C8orf34: variants seen among roughly 807,000 people sequenced by gnomAD.
C8orf34 encodes the protein uncharacterized protein C8orf34.
A neutral mutation model predicts 68.3 loss-of-function variants in C8orf34; 65 were observed. The ratio of observed to expected loss-of-function variants is 0.95; its 90% CI spans 0.78 to 1.17. C8orf34 has a LOEUF of 1.17. Among genes scored for constraint, C8orf34 ranks in the 50% most tolerant of loss-of-function variants. C8orf34 has a pLI of 0.00. For synonymous variants in C8orf34, 244 were observed against 241.2 expected, an observed-to-expected ratio of 1.01 and a Z score of -0.11; for missense variants, 664 against 655.4, an observed-to-expected ratio of 1.01 and a Z score of -0.14.
In C8orf34 at chr8:68,745,474, T is replaced by A. The variant is rs7812448; in HGVS notation, c.1404+24037T>A. ...AAAGAGTCAAGACCCATCAGTGTGC[T>A]GTATTCAGGAAACCCATCTCACGTG... is the stretch of plus-strand genomic sequence containing the variant. On this transcript the variant is annotated intron_variant, in intron 10 of 13. Transcript: ENST00000518698. Among the ~76,000 whole-genome samples the A allele has an allele frequency of 3.0e-3, 450 of 152,296 alleles. 1 individual carries two copies. Among genetic ancestry groups the A allele is most frequent in the African/African-American group, 0.01 (432 of 41,562 alleles).
intron 7 of C8orf34, among the ~76,000 whole-genome samples, chr8:68,612,522 C>G (rs1370942408): frequency 6.6e-6 from 1 of 152,170 alleles, no homozygotes; most frequent in African/African-American, 2.4e-5. Context: ...TTATTTCAAA[C>G]TATATTGCCA....
intron 8 of C8orf34, among the ~76,000 whole-genome samples, chr8:68,658,516 A>G (rs1342718661): frequency 6.6e-6 from 1 of 152,162 alleles, no homozygotes; most frequent in Non-Finnish European, 1.5e-5. Context: ...CAAAATGACT[A>G]TTGTCCACCA....
Position 68,776,506 on chromosome 8 carries a change from A to C in C8orf34, c.1455+57A>C, listed in dbSNP as rs1056584130. 24 of 1,382,708 alleles carry C rather than the reference A, an allele frequency of 1.7e-5. No homozygotes were observed. In the African/African-American group the frequency reaches 3.0e-4, roughly 17 times the overall value. 85.7% of individuals were successfully genotyped at this position (1,382,708 alleles called of 1,614,324 possible). A position where few individuals can be genotyped will look rare whatever the true frequency, so the allele number is the denominator to read the frequency against. On this transcript the variant is annotated intron_variant, in intron 11 of 13. Coordinates refer to ENST00000518698, the MANE Select transcript of C8orf34 (RefSeq NM_052958.4). ...TGAAATCAGTTTATGATACAGGATG[A>C]AGCACTCACTTAGGCTTTCTCCATC...
At chr8:68,565,258 G>T (rs1486205300) in intron 7 of C8orf34, among the ~76,000 whole-genome samples, 1 of 152,118 alleles carries the variant, frequency 6.6e-6, no homozygotes, top group African/African-American at 2.4e-5. Context: ...TTGGATCGTT[G>T]TTCTCCTGAA....
intron 12 of C8orf34, among the ~76,000 whole-genome samples, chr8:68,789,412 A>T (rs1169817318): frequency 6.6e-6 from 1 of 152,232 alleles, no homozygotes; most frequent in South Asian, 2.1e-4. Context: ...TCCAGTTTCA[A>T]ATTTAGTCTT....
At chr8:68,794,440 G>C (rs575600206) in intron 12 of C8orf34, among the ~76,000 whole-genome samples, 7 of 141,208 alleles carry the variant, frequency 5.0e-5, no homozygotes, top group Non-Finnish European at 9.0e-5. Context: ...CCAAAGTGCT[G>C]GGATTACTGG....
At chr8:68,359,798 C>G (rs886541445) in intron 1 of C8orf34, among the ~76,000 whole-genome samples, 1 of 152,032 alleles carries the variant, frequency 6.6e-6, no homozygotes, top group Non-Finnish European at 1.5e-5. Flanking sequence ...ACCATAAGCA[C>G]AAAGGGACAT....
At chr8:68,609,973 A>G (rs1282192781) in intron 7 of C8orf34, among the ~76,000 whole-genome samples, 8 of 152,162 alleles carry the variant, frequency 5.3e-5, no homozygotes, top group Non-Finnish European at 1.2e-4. Context: ...ACCCAAATGC[A>G]ATTAGGGATA....
intron 7 of C8orf34, among the ~76,000 whole-genome samples, chr8:68,576,400 A>T (rs781658983): frequency 6.6e-6 from 1 of 151,616 alleles, no homozygotes; most frequent in East Asian, 1.9e-4. Flanking sequence ...AAAATTAGGA[A>T]TGGAAAGTTA....
At chr8:68,603,626 A>G (rs1056897064) in intron 7 of C8orf34, among the ~76,000 whole-genome samples, 1 of 151,868 alleles carries the variant, frequency 6.6e-6, no homozygotes, top group Non-Finnish European at 1.5e-5. Flanking sequence ...CAGAATATTA[A>G]GTAAAATAAG....
At chr8:68,507,339 TA>T (rs979559652) in intron 5 of C8orf34, among the ~76,000 whole-genome samples, 3 of 152,210 alleles carry the variant, frequency 2.0e-5, no homozygotes, top group African/African-American at 7.2e-5. Context: ...TTCTCTATAT[TA>T]AAAAAGACAG....
At chr8:68,506,667 C>T (rs1421022343) in intron 5 of C8orf34, among the ~76,000 whole-genome samples, 2 of 152,180 alleles carry the variant, frequency 1.3e-5, no homozygotes. Flanking sequence ...GGATTGTCAT[C>T]ACTTTTTAAA....
intron 3 of C8orf34, among the ~76,000 whole-genome samples, chr8:68,456,305 T>C (rs1278286794): frequency 6.6e-6 from 1 of 152,010 alleles, no homozygotes; most frequent in East Asian, 1.9e-4. Context: ...AGCTACTATA[T>C]ATTAATCAGA....
intron 7 of C8orf34, among the ~76,000 whole-genome samples, chr8:68,607,000 C>A (rs1409527166): frequency 6.6e-6 from 1 of 152,044 alleles, no homozygotes; most frequent in African/African-American, 2.4e-5. Context: ...GAAACATTCA[C>A]CAACATACTA....
At chr8:68,637,258 TTC>T (rs1455381703) in intron 7 of C8orf34, among the ~76,000 whole-genome samples, 1 of 152,170 alleles carries the variant, frequency 6.6e-6, no homozygotes, top group East Asian at 1.9e-4. Flanking sequence ...TCTTATAGTC[TTC>T]TGTTTGCATG....
At chr8:68,387,357 AATG>A (rs900694584) in intron 1 of C8orf34, among the ~76,000 whole-genome samples, 5 of 152,130 alleles carry the variant, frequency 3.3e-5, no homozygotes, top group African/African-American at 1.2e-4. Context: ...CTAGCAGAGA[AATG>A]ATGATGACCT....
intron 3 of C8orf34, among the ~76,000 whole-genome samples, chr8:68,453,085 G>T (rs1298232260): frequency 6.6e-6 from 1 of 151,786 alleles, no homozygotes; most frequent in Non-Finnish European, 1.5e-5. Context: ...GAATACGAGG[G>T]TTTATTTTTA....
intron 1 of C8orf34, among the ~76,000 whole-genome samples, chr8:68,370,549 G>A (rs962979906): frequency 2.0e-5 from 3 of 152,112 alleles, no homozygotes; most frequent in Non-Finnish European, 4.4e-5. Context: ...AATGTGCTCT[G>A]GGCCTTTCTA....
At chr8:68,719,332 C>G (rs1019795790) in intron 9 of C8orf34, among the ~76,000 whole-genome samples, 2 of 151,914 alleles carry the variant, frequency 1.3e-5, no homozygotes, top group Non-Finnish European at 2.9e-5. Flanking sequence ...ATGGGCATTA[C>G]TATATTATAG....
Sources: allele counts gnomAD v4.1 joint callset (sites outside exome capture counted in the v4.1 genomes callset), GRCh38; gene constraint gnomAD v4.1.1; transcripts MANE v1.5; gene names NCBI Gene and HGNC (gene_info 2026-07-23, HGNC 2026-07-21).